Variants in LRMDA observed in about 807,000 individuals in gnomAD.
LRMDA encodes leucine rich melanocyte differentiation associated, also known as leucine-rich melanocyte differentiation-associated protein.
In LRMDA, 18 loss-of-function variants were observed where a neutral mutation model predicts 29.8. The observed-to-expected ratio is 0.60, with a 90% confidence interval of 0.42 to 0.90. LRMDA has a LOEUF of 0.90. LRMDA is among the 40% of genes least tolerant of loss of function. The pLI is 0.00. For synonymous variants in LRMDA, 125 were observed against 109.4 expected (o/e 1.14, Z -0.89); for missense variants, 273 against 273.9 (o/e 1.00, Z 0.02).
At chr10:76,378,858 C>CTT (rs144037195) in intron 6 of LRMDA, among the ~76,000 whole-genome samples, 1,372 of 118,926 alleles carry the variant, frequency 0.012, 27 homozygotes, top group Non-Finnish European at 0.013. Context: ...CTTTTTTTTT[C>CTT]TTTTTTTTTT....
intron 6 of LRMDA, among the ~76,000 whole-genome samples, chr10:76,362,435 G>A (rs574659462): frequency 3.9e-5 from 6 of 152,194 alleles, no homozygotes; most frequent in Non-Finnish European, 7.3e-5. Context: ...TTAATTGAAA[G>A]TAACATAGTA....
intron 2 of LRMDA, among the ~76,000 whole-genome samples, chr10:75,804,702 T>C (rs1377456066): frequency 1.2e-4 from 18 of 152,240 alleles, no homozygotes; most frequent in Non-Finnish European, 2.9e-5. Flanking sequence ...GGGCTCATTG[T>C]TGCAGACAGG....
At chr10:76,476,600 A>G (rs2132322141) in intron 6 of LRMDA, among the ~76,000 whole-genome samples, 1 of 152,276 alleles carries the variant, frequency 6.6e-6, no homozygotes, top group South Asian at 2.1e-4. Context: ...ACAATAAAAA[A>G]AGAGAATTTT....
rs1842099043 is a variant in LRMDA at position 75,687,660 on chromosome 10, C to T, written c.131+249166C>T. Among the ~76,000 whole-genome samples, 4 of 152,188 alleles carry T rather than the reference C, an allele frequency of 2.6e-5. No individual in the cohort carries two copies. In the South Asian group the frequency reaches 6.2e-4, roughly 24 times the overall value. On this transcript the variant is annotated intron_variant, in intron 2 of 6. Coordinates refer to ENST00000611255, the MANE Select transcript of LRMDA (RefSeq NM_001305581.2). ...CTAAGATCATTGATGAAGGTAGCTA[C>T]ACTAAACAACATATTTTCAATGTAG...
At chr10:76,036,788 G>A (rs1848254806) in intron 3 of LRMDA, among the ~76,000 whole-genome samples, 1 of 152,140 alleles carries the variant, frequency 6.6e-6, no homozygotes, top group African/African-American at 2.4e-5. Flanking sequence ...AACTGCTCTG[G>A]ATTCTGTAGT....
At chr10:76,115,469 T>C (rs545847488) in intron 5 of LRMDA, among the ~76,000 whole-genome samples, 1 of 152,310 alleles carries the variant, frequency 6.6e-6, no homozygotes, top group East Asian at 1.9e-4. Flanking sequence ...ACACTTTAGG[T>C]CACCCTGCCA....
intron 2 of LRMDA, among the ~76,000 whole-genome samples, chr10:75,458,214 C>T (rs898821261): frequency 1.6e-4 from 24 of 152,086 alleles, no homozygotes; most frequent in Admixed American, 6.5e-5. Flanking sequence ...GTAGATATCC[C>T]AAAAGTAGTT....
chr10:76,230,131 C>T lies in LRMDA; in HGVS notation c.517-94270C>T, dbSNP rs1170719871. On this transcript the variant is annotated intron_variant, in intron 5 of 6. Transcript: ENST00000611255. ...ATGTCTGACTGCCTACCTACTGTAA[C>T]ACCCTAACTAAAAGTTGAGTTAACT... Among the ~76,000 whole-genome samples the T allele has an allele frequency of 2.6e-5, 4 of 152,004 alleles. No homozygotes were observed. The East Asian group carries it at 7.8e-4, about 30-fold the overall frequency.
intron 2 of LRMDA, among the ~76,000 whole-genome samples, chr10:75,549,627 T>C (rs1437258126): frequency 6.6e-6 from 1 of 152,200 alleles, no homozygotes; most frequent in East Asian, 1.9e-4. Flanking sequence ...GGTTATTTTT[T>C]ATTTTTGAAG....
chr10:75,482,394 T>G (rs1342797880), intron 2 of LRMDA, among the ~76,000 whole-genome samples: 1 of 152,194 alleles, frequency 6.6e-6, no homozygotes, highest in Non-Finnish European at 1.5e-5. Context: ...GGAGAATAAA[T>G]GATTGTTATT....
intron 2 of LRMDA, among the ~76,000 whole-genome samples, chr10:76,013,890 A>G (rs1847829048): frequency 1.3e-5 from 2 of 151,242 alleles, no homozygotes; most frequent in African/African-American, 2.4e-5. Flanking sequence ...CCAACTACAG[A>G]CACCTGCAAC....
intron 5 of LRMDA, among the ~76,000 whole-genome samples, chr10:76,228,372 A>C (rs1328344836): frequency 4.6e-5 from 7 of 152,156 alleles, no homozygotes; most frequent in Admixed American, 4.6e-4. Context: ...TGCCCTCTGC[A>C]TAAACAAAGA....
At chr10:75,985,273 C>T (rs1294594997) in intron 2 of LRMDA, among the ~76,000 whole-genome samples, 5 of 152,188 alleles carry the variant, frequency 3.3e-5, no homozygotes, top group African/African-American at 7.2e-5. Flanking sequence ...TGGCATCCAG[C>T]GTTTTCCATG....
At chr10:76,183,860 A>C (rs1312948959) in intron 5 of LRMDA, among the ~76,000 whole-genome samples, 6 of 152,124 alleles carry the variant, frequency 3.9e-5, no homozygotes, top group Non-Finnish European at 7.4e-5. Flanking sequence ...CTGGGGCTAC[A>C]AGTGTGTACC....
At chr10:76,303,914 C>T (rs1840516029) in intron 5 of LRMDA, among the ~76,000 whole-genome samples, 1 of 152,080 alleles carries the variant, frequency 6.6e-6, no homozygotes, top group African/African-American at 2.4e-5. Flanking sequence ...AAATAGGTTA[C>T]ACTACAGCAC....
At chr10:76,301,313 T>C (rs1840477573) in intron 5 of LRMDA, among the ~76,000 whole-genome samples, 1 of 152,224 alleles carries the variant, frequency 6.6e-6, no homozygotes, top group African/African-American at 2.4e-5. Context: ...TATAAATTTT[T>C]ACATACATGT....
At chr10:76,346,508 A>C (rs901506032) in intron 6 of LRMDA, 9 of 152,218 alleles carry the variant, frequency 5.9e-5, no homozygotes, top group African/African-American at 1.7e-4. Context: ...CATTCACATG[A>C]ATCAAATATG....
chr10:76,379,161 TTGTGTGTG>T (rs57245101), intron 6 of LRMDA, among the ~76,000 whole-genome samples: 14 of 137,932 alleles, frequency 1.0e-4, no homozygotes, highest in South Asian at 2.4e-4. Flanking sequence ...CTGGCCTTCT[TTGTGTGTG>T]TGTGTGTGTG....
At chr10:76,506,150 A>G (rs1209913217) in intron 6 of LRMDA, among the ~76,000 whole-genome samples, 1 of 152,076 alleles carries the variant, frequency 6.6e-6, no homozygotes, top group East Asian at 1.9e-4. Context: ...TCTGTTCAAA[A>G]TATGTTAGCT....
Sources: allele counts gnomAD v4.1 joint callset (sites outside exome capture counted in the v4.1 genomes callset), GRCh38; gene constraint gnomAD v4.1.1; transcripts MANE v1.5; gene names NCBI Gene and HGNC (gene_info 2026-07-23, HGNC 2026-07-21).